Variants in CLN8 observed in about 807,000 individuals in gnomAD.
CLN8 encodes protein CLN8.
CLN8 carries 14 observed loss-of-function variants against 15.7 expected under a neutral mutation model. That is an observed-to-expected ratio of 0.89 (90% CI 0.59 to 1.39). The LOEUF (loss-of-function observed/expected upper bound fraction) is 1.39, where lower values mean the gene tolerates loss of function less well. Among genes scored for constraint, CLN8 ranks in the 40% most tolerant of loss-of-function variants. The pLI is 0.00. For missense variants in CLN8, 415 were observed against 364.0 expected (o/e 1.14, Z -1.14); for synonymous variants, 188 against 151.0 (o/e 1.25, Z -1.80).
At chr8:1,755,246 T>C (rs1800641199), upstream of CLN8, among the ~76,000 whole-genome samples, 1 of 152,120 alleles carries the variant, frequency 6.6e-6, no homozygotes, top group Non-Finnish European at 1.5e-5. Flanking sequence ...AACAGATGGG[T>C]TAGTCTAACT....
upstream of CLN8, chr8:1,762,069 A>C (rs1241082904): frequency 3.3e-5 from 5 of 152,288 alleles, no homozygotes; most frequent in Non-Finnish European, 7.3e-5. Flanking sequence ...CCCAGGAATG[A>C]ACAAGGACAG....
rs1459482330 is a variant in CLN8 at position 1,780,292 on chromosome 8, C to G, written c.586C>G (p.Leu196Val). Reference sequence around the variant, plus strand: ...TCTGTTTTGGAAGCTCAACCAGTGGCTGATGATTCACATGTTTCACTGCCG... The same window carrying G: ...TCTGTTTTGGAAGCTCAACCAGTGGGTGATGATTCACATGTTTCACTGCCG... ...ESLFWKLNQW[L>V]MIHMFHCRMV... is the part of the protein sequence containing the mutation. Residue 196 changes from leucine to valine, a missense_variant, in exon 3 of 3, where the codon CTG becomes GTG. By Grantham distance (32) the Leu-to-Val change is conservative. Coordinates refer to ENST00000331222, the MANE Select transcript of CLN8 (RefSeq NM_018941.4). The G allele has an allele frequency of 3.7e-6, 6 of 1,614,264 alleles. No homozygotes were observed. The highest frequency in any genetic ancestry group is 5.1e-6 in the Non-Finnish European group (6 of 1,180,044).
rs1176445102 is a variant in CLN8, at chr8:1,780,379, AGCCTGTATCT to A, written c.678_687del (p.Tyr227IlefsTer2). 6.2e-7 allele frequency: 1 copy of A among 1,614,132 alleles called. No homozygotes were observed. The highest frequency in any genetic ancestry group is 1.7e-5 in the Admixed American group (1 of 60,008). ...CTGGCACTGGGACGGCCTGGTCAGC[AGCCTGTATCT>A]GCCTCATTTGACACTGTTCCTTGTC... On this transcript the variant is annotated frameshift_variant, in exon 3 of 3. Transcript: ENST00000331222. LOFTEE classifies it high-confidence loss of function.
rs587780898 is a variant in CLN8, at chr8:1,780,550, C to A, written c.844C>A (p.Arg282=). 1.2e-6 allele frequency: 2 copies of A among 1,614,042 alleles called. No individual in the cohort carries two copies. The highest frequency in any genetic ancestry group is 1.3e-5 in the African/African-American group (1 of 75,066). Residue 282 remains arginine (R), a synonymous_variant, in exon 3 of 3, where the codon CGG becomes AGG. Transcript: ENST00000331222. ...GCCAGAAGGCAACGGGCAGCTGCTG[C>A]GGAAGAAGAGGCCATAGCTGCTCCA... ...SRPEGNGQLL[R]KKRP
In CLN8 at chr8:1,771,344, G is replaced by A. The variant is rs116605307; in HGVS notation, c.290G>A (p.Arg97His). 768 of 1,614,204 alleles carry A rather than the reference G, an allele frequency of 4.8e-4. 3 individuals are homozygous for A. In the African/African-American group the frequency reaches 8.0e-3, roughly 17 times the overall value. Residue 97 changes from arginine to histidine, a missense_variant, in exon 2 of 3, where the codon CGT (arginine) becomes CAT (histidine). Coordinates refer to ENST00000331222, the MANE Select transcript of CLN8 (RefSeq NM_018941.4). ...CCTGTGCTGCATGCCGACAAGGCGC[G>A]TGGCCAGCAGAACTGGTGCTGGTTT... ...GDPVLHADKA[R>H]GQQNWCWFHI...
chr8:1,774,188 G>A (rs2131001891), intron 2 of CLN8, among the ~76,000 whole-genome samples: 1 of 152,258 alleles, frequency 6.6e-6, no homozygotes, highest in East Asian at 1.9e-4. Context: ...CCTCCAGGAG[G>A]ACAGACTCAG....
upstream of CLN8, chr8:1,763,421 GC>G (rs1274758197): frequency 1.7e-3 from 36 of 20,600 alleles, 4 homozygotes; most frequent in African/African-American, 4.6e-3. Flanking sequence ...GCCGCGCCCC[GC>G]CCCCCGCCGC....
At chr8:1,762,386 AGCCACCGC>A (rs1800820848), upstream of CLN8, 1 of 151,974 alleles carries the variant, frequency 6.6e-6, no homozygotes, top group Non-Finnish European at 1.5e-5. Context: ...TACAGGCTTG[AGCCACCGC>A]GCCCGCCAAG....
intron 2 of CLN8, among the ~76,000 whole-genome samples, chr8:1,776,092 CA>C (rs1338469119): frequency 6.6e-6 from 1 of 151,832 alleles, no homozygotes; most frequent in Non-Finnish European, 1.5e-5. Flanking sequence ...GCTCCACACA[CA>C]TGATGACAGA....
At chr8:1,756,680 C>CTTTT (rs751314711) in intron 1 of CLN8, among the ~76,000 whole-genome samples, 3 of 125,738 alleles carry the variant, frequency 2.4e-5, no homozygotes, top group Non-Finnish European at 3.4e-5. Flanking sequence ...TTAAGCATTC[C>CTTTT]TTTTTTTTTT....
chr8:1,772,150 C>G (rs1156490163), intron 2 of CLN8, among the ~76,000 whole-genome samples: 2 of 152,076 alleles, frequency 1.3e-5, no homozygotes, highest in African/African-American at 4.8e-5. Context: ...GTTGGTCAGG[C>G]TGGTCTTGAA....
rs1183401021 is a variant in CLN8 at position 1,783,963 on chromosome 8, A to G, written c.*3396A>G. The G allele has an allele frequency of 6.6e-6, 1 of 152,196 alleles. No individual in the cohort carries two copies. Among genetic ancestry groups the G allele is most frequent in the Non-Finnish European group, 1.5e-5 (1 of 68,058 alleles). 9.4% of individuals were successfully genotyped at this position (152,196 alleles called of 1,614,324 possible). On this transcript the variant is annotated 3_prime_UTR_variant, in exon 3 of 3. Coordinates refer to ENST00000331222, the MANE Select transcript of CLN8 (RefSeq NM_018941.4). ...TCAGGCAGTATGGGCCGCTGTGACA[A>G]AACACCTAAGACTGGGTAGTTTATA...
In CLN8 at chr8:1,770,922, T is replaced by C; in HGVS notation, c.-123-10T>C. On this transcript the variant is annotated splice_polypyrimidine_tract_variant and intron_variant, in intron 1 of 2. Coordinates refer to ENST00000331222, the MANE Select transcript of CLN8 (RefSeq NM_018941.4). ...TCGAGTCAACACAAAATGAATGATC[T>C]TTCTTTTAGATTGAAGATGGATACG... 2.5e-6 allele frequency: 2 copies of C among 801,448 alleles called. No individual in the cohort carries two copies. The highest frequency in any genetic ancestry group is 4.2e-6 in the Non-Finnish European group (2 of 477,424). The allele number at this position is 801,448 out of a possible 1,614,324, so 49.6% of individuals were successfully genotyped here.
At position 1,780,807 on chromosome 8, in the gene CLN8, A is replaced by G. The variant is rs1801693949; in HGVS notation, c.*240A>G. On this transcript the variant is annotated 3_prime_UTR_variant, in exon 3 of 3. Coordinates refer to ENST00000331222, the MANE Select transcript of CLN8 (RefSeq NM_018941.4). ...AGTTTAGCCGCGCCGGACCGTGTCAAGCATCTAGGAGAGGAGTCCATGGTG... is the reference window on the plus strand; with the variant it reads ...AGTTTAGCCGCGCCGGACCGTGTCAGGCATCTAGGAGAGGAGTCCATGGTG... The G allele has an allele frequency of 2.3e-5, 13 of 574,898 alleles. No homozygotes were observed. The highest frequency in any genetic ancestry group is 1.7e-4 in the South Asian group (8 of 46,250). 35.6% of individuals were successfully genotyped at this position (574,898 alleles called of 1,614,324 possible).
chr8:1,764,143 G>A (rs1425719235), intron 1 of CLN8, among the ~76,000 whole-genome samples: 1 of 152,174 alleles, frequency 6.6e-6, no homozygotes, highest in Non-Finnish European at 1.5e-5. Context: ...CGGGTGAGGG[G>A]CCGGGGTGGC....
chr8:1,785,367 G>A lies in CLN8; in HGVS notation c.*4800G>A. On this transcript the variant is annotated 3_prime_UTR_variant, in exon 3 of 3. Coordinates refer to ENST00000331222, the MANE Select transcript of CLN8 (RefSeq NM_018941.4). Reference sequence around the variant, plus strand: ...CGGTGGCACAGGCGGCGTGGGGTTAGACAGGTACCGGTCAGATTACGGTGG... The same window carrying A: ...CGGTGGCACAGGCGGCGTGGGGTTAAACAGGTACCGGTCAGATTACGGTGG... 1 of 145,674 alleles carries A rather than the reference G, an allele frequency of 6.9e-6. No individual in the cohort carries two copies. Among genetic ancestry groups the A allele is most frequent in the Non-Finnish European group, 1.5e-5 (1 of 68,168 alleles). 9.0% of individuals were successfully genotyped at this position (145,674 alleles called of 1,614,324 possible).
At chr8:1,757,282 C>A (rs945313730) in intron 1 of CLN8, among the ~76,000 whole-genome samples, 4 of 152,204 alleles carry the variant, frequency 2.6e-5, no homozygotes, top group African/African-American at 7.2e-5. Flanking sequence ...GCAGCAGCAA[C>A]CTGCTTCTCA....
At chr8:1,776,644 A>C (rs1801529031) in intron 2 of CLN8, among the ~76,000 whole-genome samples, 1 of 152,202 alleles carries the variant, frequency 6.6e-6, no homozygotes. Context: ...GGTTTTTGTC[A>C]GCTCTTTGTT....
chr8:1,753,463 C>T (rs10109098), upstream of CLN8, among the ~76,000 whole-genome samples: 109,977 of 150,314 alleles, frequency 0.73, 40,480 homozygotes, highest in South Asian at 0.78. Flanking sequence ...CCCAGCTACT[C>T]GGGAGGCTGA....
Sources: gnomAD v4.1 joint callset for allele counts (sites outside exome capture counted in the v4.1 genomes callset) on GRCh38, gnomAD v4.1.1 for gene constraint, MANE v1.5 for transcripts, NCBI Gene and HGNC (gene_info 2026-07-23, HGNC 2026-07-21) for gene names.